Variants in CCBE1 observed in about 807,000 individuals in gnomAD.
The protein encoded by CCBE1 is collagen and calcium binding EGF domains 1, also known as collagen and calcium-binding EGF domain-containing protein 1.
A neutral mutation model predicts 50.0 loss-of-function variants in CCBE1; 37 were observed. That is an observed-to-expected ratio of 0.74 (90% confidence interval 0.57 to 0.97). The LOEUF (loss-of-function observed/expected upper bound fraction) is 0.97. Ranked by LOEUF, CCBE1 falls within the 50% of genes least tolerant of loss-of-function variation. The pLI is 0.00. For missense variants in CCBE1, 538 were observed against 523.8 expected, an observed-to-expected ratio of 1.03 and a Z score of -0.26; for synonymous variants, 234 against 203.7, an observed-to-expected ratio of 1.15 and a Z score of -1.27.
chr18:59,543,593 T>G (rs1915554442), intron 2 of CCBE1, among the ~76,000 whole-genome samples: 1 of 152,002 alleles, frequency 6.6e-6, no homozygotes, highest in South Asian at 2.1e-4. Flanking sequence ...CCCAGCACTT[T>G]GAGAGGCCGA....
At chr18:59,657,199 A>G (rs1205567266) in intron 2 of CCBE1, among the ~76,000 whole-genome samples, 1 of 152,222 alleles carries the variant, frequency 6.6e-6, no homozygotes, top group Non-Finnish European at 1.5e-5. Flanking sequence ...TACCTAGAAA[A>G]GCATCCAGCC....
At chr18:59,460,945 A>AAATAAATAAATAAAT (rs1444257647) in intron 5 of CCBE1, among the ~76,000 whole-genome samples, 1 of 139,484 alleles carries the variant, frequency 7.2e-6, no homozygotes, top group African/African-American at 2.5e-5. Context: ...AAAAATAAAT[A>AAATAAATAAATAAAT]AATAAATAAA....
intron 2 of CCBE1, among the ~76,000 whole-genome samples, chr18:59,484,598 T>C (rs922593294): frequency 6.6e-6 from 1 of 152,244 alleles, no homozygotes; most frequent in Non-Finnish European, 1.5e-5. Context: ...TGAAGTGATC[T>C]GATATGCTTT....
At chr18:59,526,403 G>A (rs1184343354) in intron 2 of CCBE1, among the ~76,000 whole-genome samples, 2 of 151,326 alleles carry the variant, frequency 1.3e-5, no homozygotes, top group Admixed American at 6.6e-5. Flanking sequence ...TCCGCCTCCT[G>A]GGTTCAAGCA....
chr18:59,678,762 A>G (rs2054544458), intron 2 of CCBE1, among the ~76,000 whole-genome samples: 1 of 152,098 alleles, frequency 6.6e-6, no homozygotes. Flanking sequence ...CAAATTCCCG[A>G]CCTCAAGTGA....
At chr18:59,590,736 T>C (rs537311602) in intron 2 of CCBE1, among the ~76,000 whole-genome samples, 1 of 152,224 alleles carries the variant, frequency 6.6e-6, no homozygotes, top group Non-Finnish European at 1.5e-5. Flanking sequence ...ATTTTGTATA[T>C]GAAACATGGT....
rs1251565699 is a variant in CCBE1 at position 59,559,306 on chromosome 18, AG to A, written c.213-79069del. ...GTCCAGTCCCTGCAGGACGCAGCAC[AG>A]GGAAGAAGAAAAACCTCTGTTGCAG... On this transcript the variant is annotated intron_variant, in intron 2 of 10. Transcript: ENST00000439986. Among the ~76,000 whole-genome samples the A allele has an allele frequency of 5.3e-5, 8 of 152,364 alleles. No individual in the cohort carries two copies. The East Asian group carries it at 1.5e-3, about 29-fold the overall frequency.
chr18:59,508,413 T>C (rs1216183535), intron 2 of CCBE1, among the ~76,000 whole-genome samples: 2 of 151,766 alleles, frequency 1.3e-5, no homozygotes, highest in Non-Finnish European at 2.9e-5. Flanking sequence ...CCAGCCAAAA[T>C]GGTGAAACCC....
At chr18:59,633,731 G>GTT (rs565486478) in intron 2 of CCBE1, among the ~76,000 whole-genome samples, 17 of 140,398 alleles carry the variant, frequency 1.2e-4, no homozygotes, top group African/African-American at 2.9e-4. Context: ...TTTAGGGTTT[G>GTT]TTTTTTTTTT....
chr18:59,614,576 A>C (rs2053614629), intron 2 of CCBE1, among the ~76,000 whole-genome samples: 1 of 152,192 alleles, frequency 6.6e-6, no homozygotes, highest in African/African-American at 2.4e-5. Context: ...AATTTTTCTC[A>C]AGACCCATGC....
At chr18:59,614,293 C>A (rs1401569266) in intron 2 of CCBE1, among the ~76,000 whole-genome samples, 3 of 152,130 alleles carry the variant, frequency 2.0e-5, no homozygotes, top group South Asian at 2.1e-4. Flanking sequence ...AGCCATCGTG[C>A]CTGGTTCTCC....
At chr18:59,643,088 C>A (rs561967465) in intron 2 of CCBE1, among the ~76,000 whole-genome samples, 37 of 152,192 alleles carry the variant, frequency 2.4e-4, no homozygotes, top group African/African-American at 8.9e-4. Context: ...GTGGATGGTA[C>A]CAGTCTGCAC....
chr18:59,676,116 G>A (rs1599127138), intron 2 of CCBE1, among the ~76,000 whole-genome samples: 1 of 152,224 alleles, frequency 6.6e-6, no homozygotes, highest in Non-Finnish European at 1.5e-5. Flanking sequence ...ACTTAGGACA[G>A]CAGTGGTCTA....
intron 2 of CCBE1, among the ~76,000 whole-genome samples, chr18:59,626,966 G>A (rs1232307965): frequency 6.6e-6 from 1 of 152,208 alleles, no homozygotes; most frequent in Non-Finnish European, 1.5e-5. Context: ...CTGTGCCCAT[G>A]GTCTTGGGAT....
intron 2 of CCBE1, among the ~76,000 whole-genome samples, chr18:59,669,682 T>C (rs535315779): frequency 1.8e-4 from 28 of 152,346 alleles, no homozygotes; most frequent in Admixed American, 6.5e-4. Flanking sequence ...CCGGACATCA[T>C]GAAGTGCTGG....
chr18:59,468,645 T>C (rs1911870329), intron 4 of CCBE1, among the ~76,000 whole-genome samples: 1 of 152,020 alleles, frequency 6.6e-6, no homozygotes, highest in African/African-American at 2.4e-5. Flanking sequence ...CCTGCTAGGA[T>C]AGAGAAAGAG....
At chr18:59,537,634 T>A (rs1915304042) in intron 2 of CCBE1, among the ~76,000 whole-genome samples, 1 of 152,212 alleles carries the variant, frequency 6.6e-6, no homozygotes, top group Non-Finnish European at 1.5e-5. Context: ...CTTGGGTATG[T>A]CTTCATCAGC....
intron 1 of CCBE1, among the ~76,000 whole-genome samples, 180 bp downstream of exon 1, chr18:59,697,032 C>T (rs763095469): frequency 6.6e-6 from 1 of 152,210 alleles, no homozygotes; most frequent in African/African-American, 2.4e-5. Flanking sequence ...GGCGCAAAGG[C>T]TGATACCCGG....
chr18:59,546,533 A>G (rs964419), intron 2 of CCBE1, among the ~76,000 whole-genome samples: 37,599 of 152,240 alleles, frequency 0.25, 4,772 homozygotes, highest in African/African-American at 0.29. Context: ...AGGAAAGGCC[A>G]TATGAAGAAA....
Sources: allele counts gnomAD v4.1 joint callset (sites outside exome capture counted in the v4.1 genomes callset), GRCh38; gene constraint gnomAD v4.1.1; transcripts MANE v1.5; gene names NCBI Gene and HGNC (gene_info 2026-07-23, HGNC 2026-07-21).